Variants in ARHGAP29 observed in about 807,000 individuals in gnomAD.
ARHGAP29 encodes the protein Rho GTPase activating protein 29, also known as rho GTPase-activating protein 29.
ARHGAP29 carries 43 observed loss-of-function variants against 122.6 expected under a neutral mutation model. That is an observed-to-expected ratio of 0.35 (90% CI 0.27 to 0.45). ARHGAP29 has a LOEUF of 0.45. ARHGAP29 is among the 20% of genes least tolerant of loss of function. The pLI is 1.00. For synonymous variants in ARHGAP29, 506 were observed against 497.1 expected (o/e 1.02, Z -0.24); for missense variants, 1,303 against 1,477.2 (o/e 0.88, Z 1.93).
intron 3 of ARHGAP29, among the ~76,000 whole-genome samples, chr1:94,213,980 A>G (rs1475225756): frequency 6.6e-6 from 1 of 152,196 alleles, no homozygotes; most frequent in Non-Finnish European, 1.5e-5. Context: ...CAACAACACT[A>G]CCACTTAATA....
Position 94,177,690 on chromosome 1 carries a change from T to G in ARHGAP29, c.2827A>C (p.Ile943Leu). 1 of 1,613,172 alleles carries G rather than the reference T, an allele frequency of 6.2e-7. No individual in the cohort carries two copies. Among genetic ancestry groups the G allele is most frequent in the South Asian group, 1.1e-5 (1 of 90,736 alleles). ...DIHTSESESK[I>L]FERATSFEES... ...TCAAATGATGTAGCTCGTTCAAAAA[T>G]TTTGCTTTCACTCTCTGAAGTATGG... is the stretch of plus-strand genomic sequence containing the variant. Residue 943 changes from isoleucine to leucine, a missense_variant, in exon 22 of 23, where the codon ATT (isoleucine) becomes CTT (leucine). Around this residue, in one of 3 missense-constraint regions of ARHGAP29, gnomAD observed 620 missense variants for 651.2 expected, o/e 0.95. Transcript: ENST00000260526.
chr1:94,223,427 A>G (rs967638630), intron 2 of ARHGAP29, among the ~76,000 whole-genome samples: 1 of 151,080 alleles, frequency 6.6e-6, no homozygotes, highest in Non-Finnish European at 1.5e-5. Flanking sequence ...CCTCATCTAT[A>G]AAAAAAAAGA....
intron 15 of ARHGAP29, 129 bp downstream of exon 15, chr1:94,188,700 AAACTATTT>A: frequency 2.7e-6 from 2 of 751,706 alleles, no homozygotes; most frequent in Non-Finnish European, 2.1e-6. Flanking sequence ...GGGTTTTTAA[AAACTATTT>A]TTTAAATTGT....
chr1:94,190,055 T>C lies in ARHGAP29; in HGVS notation c.1310A>G (p.His437Arg). 1 of 1,613,326 alleles carries C rather than the reference T, an allele frequency of 6.2e-7. No individual in the cohort carries two copies. Among genetic ancestry groups the C allele is most frequent in the South Asian group, 1.1e-5 (1 of 91,040 alleles). The change falls in exon 13 of 23, where the codon CAT becomes CGT. Residue 437 changes from histidine (H) to arginine (R), a missense_variant. This residue lies in a region of ARHGAP29 where 592 missense variants were observed against 648.2 expected (regional missense o/e 0.91). Coordinates refer to ENST00000260526, the MANE Select transcript of ARHGAP29 (RefSeq NM_004815.4). ...GTCTGCAAGGGAAGCAGCCTGCAGATGCTGCATGTGGAAGAGGTTAACTGT... is the reference window on the plus strand; with the variant it reads ...GTCTGCAAGGGAAGCAGCCTGCAGACGCTGCATGTGGAAGAGGTTAACTGT... Reference protein sequence around the residue: ...AVTVNLFHMQHLQAASLADSL... With the variant: ...AVTVNLFHMQRLQAASLADSL...
intron 3 of ARHGAP29, among the ~76,000 whole-genome samples, chr1:94,209,940 C>T (rs2101543438): frequency 6.6e-6 from 1 of 152,038 alleles, no homozygotes; most frequent in Non-Finnish European, 1.5e-5. Flanking sequence ...TTATAACAGG[C>T]TCTTGGGCTC....
the ARHGAP29 span, among the ~76,000 whole-genome samples, chr1:94,284,852 G>C: frequency 6.6e-6 from 1 of 152,208 alleles, no homozygotes; most frequent in Non-Finnish European, 1.5e-5. Flanking sequence ...TAGTGGCATA[G>C]AGTAGGCACT....
rs1648633317 is a variant in ARHGAP29 at position 94,170,116 on chromosome 1, AAT to A, written c.*3751_*3752del. Among the ~76,000 whole-genome samples, 1 of 152,226 alleles carries A rather than the reference AAT, an allele frequency of 6.6e-6. No individual in the cohort carries two copies. Among genetic ancestry groups the A allele is most frequent in the Non-Finnish European group, 1.5e-5 (1 of 68,042 alleles). The stretch of plus-strand genomic sequence containing the variant: ...AGCCCGTGACAATTCGATGAGAAAC[AAT>A]ACATTTACAATCTTTAAGAATCTCC... On this transcript the variant is annotated 3_prime_UTR_variant, in exon 23 of 23. Transcript: ENST00000260526.
chr1:94,208,382 T>A lies in ARHGAP29; in HGVS notation c.510+450A>T, dbSNP rs563519716. On this transcript the variant is annotated intron_variant, in intron 5 of 22. Coordinates refer to ENST00000260526, the MANE Select transcript of ARHGAP29 (RefSeq NM_004815.4). ...GTTTGCATTCAGCAAAAAAGTTTAG[T>A]CAATTAAAAACATTACTACCATAAA... 7.9e-4 allele frequency among the ~76,000 whole-genome samples: 120 copies of A among 152,326 alleles called. 1 individual carries two copies. The South Asian group carries it at 0.013, about 17-fold the overall frequency.
chr1:94,181,413 C>CA (rs1649452177), intron 19 of ARHGAP29, among the ~76,000 whole-genome samples: 1 of 152,068 alleles, frequency 6.6e-6, no homozygotes, highest in Non-Finnish European at 1.5e-5. Context: ...GACAGACGGG[C>CA]AACTATCTGA....
upstream of ARHGAP29, among the ~76,000 whole-genome samples, chr1:94,240,789 T>C (rs2100675157): frequency 6.6e-6 from 1 of 152,326 alleles, no homozygotes; most frequent in Non-Finnish European, 1.5e-5. Context: ...ATTCCCCAAA[T>C]CTTCCTCATG....
chr1:94,190,049 T>A lies in ARHGAP29; in HGVS notation c.1316A>T (p.Gln439Leu). The A allele has an allele frequency of 1.2e-6, 2 of 1,613,366 alleles. No homozygotes were observed. The highest frequency in any genetic ancestry group is 2.2e-5 in the South Asian group (2 of 91,044). Residue 439 changes from glutamine to leucine, a missense_variant, in exon 13 of 23, where the codon CAG (glutamine) becomes CTG (leucine). Gln to Leu is a moderately radical substitution (Grantham distance 113). This residue lies in a region of ARHGAP29 where 592 missense variants were observed against 648.2 expected (regional missense o/e 0.91). Transcript: ENST00000260526. Reference sequence around the variant, plus strand: ...TAAACTGTCTGCAAGGGAAGCAGCCTGCAGATGCTGCATGTGGAAGAGGTT... The same window carrying A: ...TAAACTGTCTGCAAGGGAAGCAGCCAGCAGATGCTGCATGTGGAAGAGGTT... ...TVNLFHMQHLQAASLADSLQS... is the reference protein window; with the variant it reads ...TVNLFHMQHLLAASLADSLQS...
At position 94,173,620 on chromosome 1, in the gene ARHGAP29, C is replaced by T; in HGVS notation, c.*249G>A. The T allele has an allele frequency of 7.6e-6, 3 of 394,668 alleles. No homozygotes were observed. The highest frequency in any genetic ancestry group is 5.0e-5 in the South Asian group (1 of 20,018). 24.4% of individuals were successfully genotyped at this position (394,668 alleles called of 1,614,324 possible). A position where few individuals can be genotyped will look rare whatever the true frequency, so the allele number is the denominator to read the frequency against. On this transcript the variant is annotated 3_prime_UTR_variant, in exon 23 of 23. Coordinates refer to ENST00000260526, the MANE Select transcript of ARHGAP29 (RefSeq NM_004815.4). The stretch of plus-strand genomic sequence containing the variant: ...AACTGAACTTTAAAAAATACGAATC[C>T]ACCTATCTTATTCACAACTTTAAAA...
chr1:94,177,761 CAT>C (rs1163586988), intron 21 of ARHGAP29, 41 bp from the exon 22 acceptor site: 1 of 1,580,322 alleles, frequency 6.3e-7, no homozygotes, highest in South Asian at 1.1e-5. Context: ...AGAAGTAAAA[CAT>C]AACCTCAAAA....
At chr1:94,255,931 A>G (rs1654330102) in intron 1 of ARHGAP29, among the ~76,000 whole-genome samples, 1 of 152,250 alleles carries the variant, frequency 6.6e-6, no homozygotes, top group South Asian at 2.1e-4. Context: ...TATGAGCTCA[A>G]TAAGCATTAG....
intron 11 of ARHGAP29, 64 bp downstream of exon 11, chr1:94,202,479 GA>G: frequency 6.3e-7 from 1 of 1,583,426 alleles, no homozygotes; most frequent in Non-Finnish European, 8.6e-7. Context: ...GCAGAACTTT[GA>G]CACCAAACTC....
intron 2 of ARHGAP29, 115 bp from the exon 3 acceptor site, chr1:94,220,507 T>A: frequency 2.3e-6 from 2 of 861,954 alleles, no homozygotes; most frequent in Non-Finnish European, 3.4e-6. Context: ...AATTTTTGCC[T>A]ACTATACATT....
chr1:94,269,284 C>T (rs1221071366), intron 1 of ARHGAP29, among the ~76,000 whole-genome samples: 4 of 152,196 alleles, frequency 2.6e-5, no homozygotes, highest in South Asian at 4.1e-4. Context: ...TTATAGACGA[C>T]GAAAGGACAA....
chr1:94,176,620 T>C (rs1241834893), intron 22 of ARHGAP29: 1 of 152,288 alleles, frequency 6.6e-6, no homozygotes, highest in Non-Finnish European at 1.5e-5. Flanking sequence ...TCCTTTTTTT[T>C]TTCTTTGAGA....
the ARHGAP29 span, among the ~76,000 whole-genome samples, chr1:94,282,923 T>C: frequency 6.6e-6 from 1 of 152,126 alleles, no homozygotes; most frequent in African/African-American, 2.4e-5. Flanking sequence ...TTCAAATTAG[T>C]GTTTCTCCCT....
Sources: gnomAD v4.1 joint callset for allele counts (sites outside exome capture counted in the v4.1 genomes callset) on GRCh38, gnomAD v4.1.1 for gene constraint, gnomAD v4.1.1 regional missense constraint, MANE v1.5 for transcripts, NCBI Gene and HGNC (gene_info 2026-07-23, HGNC 2026-07-21) for gene names.